The following LRIG3 variants were observed in gnomAD, a reference collection of about 807,000 sequenced individuals.
LRIG3 encodes leucine-rich repeats and immunoglobulin-like domains protein 3.
A neutral mutation model predicts 114.5 loss-of-function variants in LRIG3; 76 were observed. The observed-to-expected ratio is 0.66, with a 90% CI of 0.55 to 0.80. LRIG3 has a LOEUF of 0.80. Ranked by LOEUF, LRIG3 falls within the 30% of genes least tolerant of loss-of-function variation. LRIG3 has a pLI of 0.00. For missense variants in LRIG3, 1,239 were observed against 1,382.8 expected (o/e 0.90, Z 1.65); for synonymous variants, 512 against 519.8 (o/e 0.98, Z 0.20).
chr12:58,883,374 C>A, intron 11 of LRIG3, 146 bp downstream of exon 11: 1 of 558,876 alleles, frequency 1.8e-6, no homozygotes, highest in Non-Finnish European at 2.9e-6. Context: ...AACAAATAAA[C>A]TCCTTTTCTG....
At chr12:58,893,347 T>G (rs765441003) in intron 3 of LRIG3, among the ~76,000 whole-genome samples, 1 of 152,224 alleles carries the variant, frequency 6.6e-6, no homozygotes, top group South Asian at 2.1e-4. Context: ...GTCAGGTAAC[T>G]AGCATAGATA....
chr12:58,898,601 GA>G (rs368408256), intron 3 of LRIG3, among the ~76,000 whole-genome samples: 5,330 of 152,122 alleles, frequency 0.035, 144 homozygotes, highest in Non-Finnish European at 0.051. Context: ...CTTCATGTTT[GA>G]AAATATCTTT....
In LRIG3 at chr12:58,886,791, T is replaced by C. The variant is rs1871289409; in HGVS notation, c.1172+19A>G. The C allele has an allele frequency of 1.2e-6, 2 of 1,609,102 alleles. No homozygotes were observed. The highest frequency in any genetic ancestry group is 1.3e-5 in the African/African-American group (1 of 74,750). ...TTAAATCAAAGAGTGAGCTAAATTA[T>C]GAGGCAATTCATACTCACAGTCGCC... On this transcript the variant is annotated intron_variant, in intron 9 of 18. Transcript: ENST00000320743.
chr12:58,905,014 A>G (rs1872006753), intron 3 of LRIG3, among the ~76,000 whole-genome samples: 1 of 152,222 alleles, frequency 6.6e-6, no homozygotes, highest in South Asian at 2.1e-4. Context: ...CAGGGTGAGT[A>G]TTCTAGGCAG....
chr12:58,883,937 T>C (rs751270972), intron 10 of LRIG3, among the ~76,000 whole-genome samples: 2 of 152,202 alleles, frequency 1.3e-5, no homozygotes, highest in African/African-American at 4.8e-5. Context: ...AAATAAAATA[T>C]ACAAATAAAA....
chr12:58,880,153 G>A (rs569056153), intron 13 of LRIG3, among the ~76,000 whole-genome samples: 7 of 152,022 alleles, frequency 4.6e-5, no homozygotes, highest in Non-Finnish European at 8.8e-5. Flanking sequence ...AAAATTGGCC[G>A]GGCATGGTGG....
chr12:58,913,995 T>TA lies in LRIG3; in HGVS notation c.369dup (p.Thr124TyrfsTer12). 1 of 1,611,962 alleles carries TA rather than the reference T, an allele frequency of 6.2e-7. No homozygotes were observed. Among genetic ancestry groups the TA allele is most frequent in the Non-Finnish European group, 8.5e-7 (1 of 1,179,392 alleles). ...ATATTCACTTACAAGGAGAGAAGTG[T>TA]AATATTTGCCGAGACTGGTCCCAGA... On this transcript the variant is annotated frameshift_variant, in exon 3 of 19. Coordinates refer to ENST00000320743, the MANE Select transcript of LRIG3 (RefSeq NM_153377.5). LOFTEE classifies it high-confidence loss of function.
At chr12:58,896,989 C>G (rs974941151) in intron 3 of LRIG3, among the ~76,000 whole-genome samples, 4 of 152,166 alleles carry the variant, frequency 2.6e-5, no homozygotes, top group African/African-American at 9.7e-5. Context: ...CCACTCCCTC[C>G]GAAAAGCTTC....
In LRIG3 at chr12:58,880,849, T is replaced by C; in HGVS notation, c.1533A>G (p.Ile511Met). ...AGATGAAACTCAAATTGGAACCTTT[T>C]ATTGCCGACTGTGTTTCTGGCTGAA... ...ITVQPETQSA[I>M]KGSNLSFICS... The change falls in exon 13 of 19, where the codon ATA (isoleucine) becomes ATG (methionine). Residue 511 changes from isoleucine to methionine, a missense_variant. By Grantham distance (10) the Ile-to-Met change is conservative. Coordinates refer to ENST00000320743, the MANE Select transcript of LRIG3 (RefSeq NM_153377.5). 6.2e-7 allele frequency: 1 copy of C among 1,614,136 alleles called. No individual in the cohort carries two copies. Among genetic ancestry groups the C allele is most frequent in the Non-Finnish European group, 8.5e-7 (1 of 1,179,970 alleles).
At chr12:58,881,537 T>A (rs913238863) in intron 12 of LRIG3, among the ~76,000 whole-genome samples, 1 of 152,124 alleles carries the variant, frequency 6.6e-6, no homozygotes, top group African/African-American at 2.4e-5. Context: ...CGCTGCCCTG[T>A]CAAAGCTACA....
At chr12:58,913,195 G>C (rs930820270) in intron 3 of LRIG3, among the ~76,000 whole-genome samples, 3 of 152,070 alleles carry the variant, frequency 2.0e-5, no homozygotes, top group Non-Finnish European at 4.4e-5. Flanking sequence ...TTTTCCTTAA[G>C]TTGCTTAAAG....
At chr12:58,883,687 A>G (rs965278487) in intron 10 of LRIG3, 96 bp from the exon 11 acceptor site, 2 of 730,550 alleles carry the variant, frequency 2.7e-6, no homozygotes, top group Non-Finnish European at 4.5e-6. Flanking sequence ...CCATTTGCCA[A>G]ACAAATACTC....
chr12:58,884,779 T>C (rs1199389326), intron 10 of LRIG3, among the ~76,000 whole-genome samples: 1 of 152,174 alleles, frequency 6.6e-6, no homozygotes, highest in African/African-American at 2.4e-5. Flanking sequence ...ACAGCACACA[T>C]AGGAGAACCC....
chr12:58,914,272 G>A lies in LRIG3; in HGVS notation c.301C>T (p.Arg101Ter), dbSNP rs750840871. The A allele has an allele frequency of 1.2e-6, 2 of 1,613,830 alleles. No homozygotes were observed. The highest frequency in any genetic ancestry group is 1.7e-6 in the Non-Finnish European group (2 of 1,179,806). Residue 101 changes from arginine to a stop codon, truncating the protein, a stop_gained, in exon 2 of 19, where the codon CGA becomes TGA. Coordinates refer to ENST00000320743, the MANE Select transcript of LRIG3 (RefSeq NM_153377.5). LOFTEE classifies it high-confidence loss of function. ...AAAATAACGAAGACTCACACTTCTC[G>A]AAGGCTTTGAAGGTGGCTCATGGAA... ...ASSMSHLQSL[R>*]EVKLNNNELE...
intron 11 of LRIG3, 137 bp from the exon 12 acceptor site, chr12:58,883,169 G>A (rs1485623258): frequency 3.1e-5 from 25 of 800,218 alleles, no homozygotes; most frequent in Non-Finnish European, 4.5e-5. Context: ...GTATCCCACA[G>A]TCCATTTTAA....
chr12:58,888,184 CA>C, intron 7 of LRIG3, 144 bp downstream of exon 7: 1 of 1,047,310 alleles, frequency 9.5e-7, no homozygotes, highest in South Asian at 2.0e-5. Flanking sequence ...CTTATCACAA[CA>C]AAAATAAGAC....
intron 5 of LRIG3, among the ~76,000 whole-genome samples, chr12:58,889,571 T>C (rs1300638267): frequency 1.3e-5 from 2 of 152,122 alleles, no homozygotes. Context: ...CAGCCAAAGT[T>C]GCCCTATTGC....
At chr12:58,897,761 T>A (rs1322582799) in intron 3 of LRIG3, among the ~76,000 whole-genome samples, 3 of 152,232 alleles carry the variant, frequency 2.0e-5, no homozygotes, top group Admixed American at 2.0e-4. Flanking sequence ...GAAAAAATAT[T>A]TAATCTGAAG....
chr12:58,890,275 C>T, intron 4 of LRIG3, 136 bp from the exon 5 acceptor site: 1 of 925,886 alleles, frequency 1.1e-6, no homozygotes. Flanking sequence ...TTTAGGTCCT[C>T]AAGGACAGAT....
Sources: allele counts gnomAD v4.1 joint callset (sites outside exome capture counted in the v4.1 genomes callset), GRCh38; gene constraint gnomAD v4.1.1; transcripts MANE v1.5; gene names NCBI Gene and HGNC (gene_info 2026-07-23, HGNC 2026-07-21).